ZMYM6: variants seen among roughly 807,000 people sequenced by gnomAD.
ZMYM6 encodes the protein zinc finger MYM-type protein 6.
Under a neutral mutation model 134.0 loss-of-function variants are expected in ZMYM6, and 90 were observed. That is an observed-to-expected ratio of 0.67 (90% CI 0.57 to 0.80). ZMYM6 has a LOEUF of 0.80. Ranked by LOEUF, ZMYM6 falls within the 30% of genes least tolerant of loss-of-function variation. The pLI is 0.00. For synonymous variants in ZMYM6, 481 were observed against 524.1 expected (o/e 0.92, Z 1.12); for missense variants, 1,362 against 1,533.9 (o/e 0.89, Z 1.87).
intron 9 of ZMYM6, 32 bp downstream of exon 9, chr1:35,010,726 T>C: frequency 6.5e-7 from 1 of 1,539,674 alleles, no homozygotes; most frequent in Non-Finnish European, 8.7e-7. Flanking sequence ...TGGATGAGTT[T>C]ATATACAATC....
chr1:35,022,747 T>C (rs1007445530), intron 2 of ZMYM6, among the ~76,000 whole-genome samples: 2 of 142,674 alleles, frequency 1.4e-5, no homozygotes, highest in African/African-American at 3.0e-5. Context: ...TTTGGATAAT[T>C]TGATTAATGC....
rs775265415 is a variant in ZMYM6 at position 34,988,330 on chromosome 1, T to C, written c.2752A>G (p.Ile918Val). 6.4e-7 allele frequency: 1 copy of C among 1,551,362 alleles called. No individual in the cohort carries two copies. Among genetic ancestry groups the C allele is most frequent in the South Asian group, 1.2e-5 (1 of 83,930 alleles). Residue 918 changes from isoleucine (I) to valine (V), a missense_variant, in exon 16 of 16, where the codon ATC becomes GTC. Ile to Val is a conservative substitution (Grantham distance 29). Coordinates refer to ENST00000357182, the MANE Select transcript of ZMYM6 (RefSeq NM_007167.4). ...FALQIDESSE[I>V]SNITLLLCYI... is the part of the protein sequence containing the mutation. Reference sequence around the variant, plus strand: ...CACAAAAGAAGTGTGATATTTGAGATTTCTGATGACTCATCTATCTGAAGG... The same window carrying C: ...CACAAAAGAAGTGTGATATTTGAGACTTCTGATGACTCATCTATCTGAAGG...
chr1:35,008,255 G>C (rs941832254), intron 11 of ZMYM6, among the ~76,000 whole-genome samples: 2 of 152,118 alleles, frequency 1.3e-5, no homozygotes, highest in Admixed American at 1.3e-4. Flanking sequence ...CTATGGTAAG[G>C]ATTAAATGAA....
chr1:35,013,915 C>A (rs1641136450), intron 6 of ZMYM6, among the ~76,000 whole-genome samples: 1 of 152,184 alleles, frequency 6.6e-6, no homozygotes, highest in East Asian at 1.9e-4. Context: ...TGGTCTCGAA[C>A]CCCTGACCTC....
In ZMYM6 at chr1:34,988,367, T is replaced by G. The variant is rs1385333362; in HGVS notation, c.2715A>C (p.Ser905=). The G allele has an allele frequency of 1.9e-6, 3 of 1,551,686 alleles. No individual in the cohort carries two copies. The highest frequency in any genetic ancestry group is 2.6e-6 in the Non-Finnish European group (3 of 1,146,968). ...CATCTATCTGAAGGGCAAACCACTT[T>G]GACTCTCTGACCTTTTGAATCAGCT... ...EDQLIQKVRE[S]KWFALQIDES... The change falls in exon 16 of 16, where the codon TCA becomes TCC. Residue 905 remains serine (S), a synonymous_variant. Transcript: ENST00000357182.
intron 14 of ZMYM6, among the ~76,000 whole-genome samples, chr1:34,995,490 T>C (rs1569747262): frequency 6.6e-6 from 1 of 151,962 alleles, no homozygotes; most frequent in South Asian, 2.1e-4. Flanking sequence ...AACTACTAAA[T>C]AGAACAATTA....
Position 34,988,486 on chromosome 1 carries a change from C to G in ZMYM6, c.2596G>C (p.Gly866Arg), listed in dbSNP as rs779244849. 34 of 1,550,728 alleles carry G rather than the reference C, an allele frequency of 2.2e-5. No individual in the cohort carries two copies. The highest frequency in any genetic ancestry group is 3.0e-5 in the Non-Finnish European group (34 of 1,146,658). Residue 866 changes from glycine to arginine, a missense_variant, in exon 16 of 16, where the codon GGT (glycine) becomes CGT (arginine). Gly to Arg is a moderately radical substitution (Grantham distance 125). Coordinates refer to ENST00000357182, the MANE Select transcript of ZMYM6 (RefSeq NM_007167.4). ...YLVEMCSEVLGSSAGDKMKTI... is the reference protein window; with the variant it reads ...YLVEMCSEVLRSSAGDKMKTI... ...TTCATTTTGTCTCCAGCACTTGAACCCAAAACTTCTGAACACATTTCTACT... is the reference window on the plus strand; with the variant it reads ...TTCATTTTGTCTCCAGCACTTGAACGCAAAACTTCTGAACACATTTCTACT...
At position 35,012,586 on chromosome 1, in the gene ZMYM6, T is replaced by C; in HGVS notation, c.796-5A>G. On this transcript the variant is annotated splice_polypyrimidine_tract_variant and splice_region_variant and intron_variant, in intron 6 of 15. Coordinates refer to ENST00000357182, the MANE Select transcript of ZMYM6 (RefSeq NM_007167.4). The stretch of plus-strand genomic sequence containing the variant: ...TGGAGGAATTTGGGCAGAATTCTAT[T>C]AAAATAAAATAACATTAGATACCTA... 1 of 1,612,842 alleles carries C rather than the reference T, an allele frequency of 6.2e-7. No homozygotes were observed. The highest frequency in any genetic ancestry group is 8.5e-7 in the Non-Finnish European group (1 of 1,179,504).
intron 14 of ZMYM6, among the ~76,000 whole-genome samples, chr1:35,002,206 C>G (rs1264427911): frequency 6.6e-6 from 1 of 152,174 alleles, no homozygotes; most frequent in African/African-American, 2.4e-5. Context: ...TATTCAATAT[C>G]CTCTTCAGGA....
intron 6 of ZMYM6, among the ~76,000 whole-genome samples, chr1:35,014,234 T>C (rs972957026): frequency 2.6e-5 from 4 of 152,212 alleles, no homozygotes; most frequent in East Asian, 3.9e-4. Context: ...CTCTTGCTTA[T>C]GGTTTATTTA....
Position 35,008,914 on chromosome 1 carries a change from G to A in ZMYM6, c.1503C>T (p.Phe501=), listed in dbSNP as rs1177123859. 1.2e-6 allele frequency: 2 copies of A among 1,610,400 alleles called. No homozygotes were observed. ...DKPFCSEVCK[F]LSARDFGERW... ...GTTCTCCAAAGTCACGGGCAGAGAG[G>A]AATTTGCAAACTGAGGATCAGAGGG... Residue 501 remains phenylalanine (F), a synonymous_variant, in exon 11 of 16, where the codon TTC becomes TTT. Coordinates refer to ENST00000357182, the MANE Select transcript of ZMYM6 (RefSeq NM_007167.4).
chr1:35,004,343 T>G (rs1640928105), intron 13 of ZMYM6, among the ~76,000 whole-genome samples: 1 of 152,104 alleles, frequency 6.6e-6, no homozygotes, highest in African/African-American at 2.4e-5. Context: ...AACAAACAAA[T>G]TAGCCCAGTG....
chr1:35,004,381 G>C (rs1467961909), intron 13 of ZMYM6, among the ~76,000 whole-genome samples: 4 of 152,210 alleles, frequency 2.6e-5, no homozygotes, highest in African/African-American at 9.6e-5. Flanking sequence ...AGCACTTTGG[G>C]AGGCCAAGGC....
At chr1:35,001,210 G>A (rs1266586401) in intron 14 of ZMYM6, among the ~76,000 whole-genome samples, 1 of 150,184 alleles carries the variant, frequency 6.7e-6, no homozygotes, top group Non-Finnish European at 1.5e-5. Context: ...TAAGTAACTT[G>A]AGGGAGATTC....
chr1:35,010,738 C>T lies in ZMYM6; in HGVS notation c.1341+20G>A, dbSNP rs773258776. On this transcript the variant is annotated intron_variant, in intron 9 of 15. Coordinates refer to ENST00000357182, the MANE Select transcript of ZMYM6 (RefSeq NM_007167.4). Reference sequence around the variant, plus strand: ...TACTGGATGAGTTTATATACAATCCCTTTCATGATCTCTCTTTACCTTGTA... The same window carrying T: ...TACTGGATGAGTTTATATACAATCCTTTTCATGATCTCTCTTTACCTTGTA... 14 of 1,538,872 alleles carry T rather than the reference C, an allele frequency of 9.1e-6. No individual in the cohort carries two copies. Among genetic ancestry groups the T allele is most frequent in the South Asian group, 3.9e-5 (3 of 76,534 alleles).
rs1640593948 is a variant in ZMYM6, at chr1:34,987,361, C to T, written c.3721G>A (p.Asp1241Asn). 6.2e-7 allele frequency: 1 copy of T among 1,613,784 alleles called. No homozygotes were observed. The highest frequency in any genetic ancestry group is 8.5e-7 in the Non-Finnish European group (1 of 1,179,976). ...EEEKLTELSS[D>N]LGLQALFKSV... is the part of the protein sequence containing the mutation. ...TTAAATAGTGCTTGTAATCCTAAAT[C>T]TGAAGATAGCTCTGTTAGCTTTTCT... is the stretch of plus-strand genomic sequence containing the variant. Residue 1241 changes from aspartate to asparagine, a missense_variant, in exon 16 of 16, where the codon GAT (aspartate) becomes AAT (asparagine). Coordinates refer to ENST00000357182, the MANE Select transcript of ZMYM6 (RefSeq NM_007167.4).
chr1:35,024,089 T>C (rs1641361892), intron 2 of ZMYM6, among the ~76,000 whole-genome samples: 1 of 152,120 alleles, frequency 6.6e-6, no homozygotes, highest in Admixed American at 6.6e-5. Flanking sequence ...GATGTTTCAA[T>C]TGCACCAGGT....
intron 8 of ZMYM6, among the ~76,000 whole-genome samples, 181 bp downstream of exon 8, chr1:35,011,709 C>A (rs1641089808): frequency 6.6e-6 from 1 of 152,304 alleles, no homozygotes; most frequent in South Asian, 2.1e-4. Context: ...ACTGCTGAGA[C>A]CCAATATCTG....
At chr1:35,004,260 C>T (rs1342387139) in intron 13 of ZMYM6, among the ~76,000 whole-genome samples, 1 of 152,050 alleles carries the variant, frequency 6.6e-6, no homozygotes, top group African/African-American at 2.4e-5. Context: ...ATGTGGGCTC[C>T]TAAAAAAATA....
Sources: allele counts gnomAD v4.1 joint callset (sites outside exome capture counted in the v4.1 genomes callset), GRCh38; gene constraint gnomAD v4.1.1; transcripts MANE v1.5; gene names NCBI Gene and HGNC (gene_info 2026-07-23, HGNC 2026-07-21).